Variants in IGSF10 observed in about 807,000 individuals in gnomAD.
IGSF10 encodes the protein calvaria mechanical force protein 608.
In IGSF10, 126 loss-of-function variants were observed where a neutral mutation model predicts 128.2. The ratio of observed to expected loss-of-function variants is 0.98; its 90% CI spans 0.85 to 1.14. IGSF10 has a LOEUF of 1.14. Among genes scored for constraint, IGSF10 ranks in the 50% most tolerant of loss-of-function variants. The probability of loss-of-function intolerance (pLI) is 0.00; values close to 1 mark genes in which losing one functional copy is unlikely to be tolerated. For synonymous variants in IGSF10, 1,185 were observed against 1,146.2 expected (o/e 1.03, Z -0.68); for missense variants, 3,295 against 3,149.8 (o/e 1.05, Z -1.10).
chr3:151,453,632 C>G lies in IGSF10; in HGVS notation c.467G>C (p.Arg156Pro), dbSNP rs138756085. The G allele has an allele frequency of 1.9e-6, 3 of 1,613,744 alleles. No homozygotes were observed. The highest frequency in any genetic ancestry group is 1.3e-5 in the African/African-American group (1 of 74,826). Residue 156 changes from arginine (R) to proline (P), a missense_variant, in exon 5 of 8, where the codon CGC becomes CCC. Transcript: ENST00000282466. ...CTGATTTCCTTCCAAGTGCACCAGG[C>G]GGAGAAAGTTGAGCCCATAAAAAAC... ...PEVFYGLNFLRLVHLEGNQLT... is the reference protein window; with the variant it reads ...PEVFYGLNFLPLVHLEGNQLT...
At position 151,447,038 on chromosome 3, in the gene IGSF10, C is replaced by G. The variant is rs143010277; in HGVS notation, c.2943G>C (p.Thr981=). The part of the protein sequence containing the change: ...SHTTQILSTS[T]FPSDPHTAAH... ...CAGCTGTGTGTGGATCTGAAGGGAA[C>G]GTGGAGGTGCTAAGTATTTGAGTAG... Residue 981 remains threonine, a synonymous_variant, in exon 6 of 8, where the codon ACG becomes ACC. Transcript: ENST00000282466. The G allele has an allele frequency of 6.2e-7, 1 of 1,613,650 alleles. No homozygotes were observed. Among genetic ancestry groups the G allele is most frequent in the Non-Finnish European group, 8.5e-7 (1 of 1,179,862 alleles).
the IGSF10 span, among the ~76,000 whole-genome samples, chr3:151,545,879 G>T: frequency 6.6e-6 from 1 of 152,152 alleles, no homozygotes; most frequent in Non-Finnish European, 1.5e-5. Flanking sequence ...GGGTGCTGAA[G>T]GGTAACTGGT....
chr3:151,457,309 AT>A (rs770935650), intron 3 of IGSF10, among the ~76,000 whole-genome samples, 154 bp from the exon 4 acceptor site: 12 of 152,338 alleles, frequency 7.9e-5, no homozygotes, highest in Non-Finnish European at 1.5e-4. Flanking sequence ...AATTCACCAG[AT>A]GCCACAGAAG....
At chr3:151,535,110 G>A in the IGSF10 span, among the ~76,000 whole-genome samples, 1,893 of 151,976 alleles carry the variant, frequency 0.012, 40 homozygotes, top group African/African-American at 0.043. Flanking sequence ...AACTAAATGA[G>A]AAAATGTAAC....
At chr3:151,450,301 A>G (rs1721450530) in intron 5 of IGSF10, among the ~76,000 whole-genome samples, 1 of 152,192 alleles carries the variant, frequency 6.6e-6, no homozygotes, top group African/African-American at 2.4e-5. Context: ...ATGCTGTTCC[A>G]TATAGTAGCT....
chr3:151,441,256 G>T (rs1408340128), intron 7 of IGSF10, among the ~76,000 whole-genome samples: 3 of 152,162 alleles, frequency 2.0e-5, no homozygotes, highest in East Asian at 3.9e-4. Context: ...TAATATTTTT[G>T]AGAGAGATAA....
chr3:151,458,305 C>T (rs1188234689), intron 3 of IGSF10, among the ~76,000 whole-genome samples: 2 of 152,114 alleles, frequency 1.3e-5, no homozygotes, highest in African/African-American at 2.4e-5. Flanking sequence ...AGAGGGACTT[C>T]AAATTCTAGA....
chr3:151,456,990 C>T lies in IGSF10; in HGVS notation c.324+36G>A, dbSNP rs766278793. 3.1e-6 allele frequency: 5 copies of T among 1,612,424 alleles called. No homozygotes were observed. The South Asian group carries it at 4.4e-5, about 14-fold the overall frequency. ...GGTCTATCTCACAGGTCCCACCTTACCTCTTTAACCTGCCCCCTCTCTCCA... is the reference window on the plus strand; with the variant it reads ...GGTCTATCTCACAGGTCCCACCTTATCTCTTTAACCTGCCCCCTCTCTCCA... On this transcript the variant is annotated intron_variant, in intron 4 of 7. Coordinates refer to ENST00000282466, the MANE Select transcript of IGSF10 (RefSeq NM_178822.5).
chr3:151,498,367 T>A, the IGSF10 span, among the ~76,000 whole-genome samples: 81 of 151,796 alleles, frequency 5.3e-4, no homozygotes, highest in African/African-American at 1.9e-3. Context: ...TTATTGAGAG[T>A]TTTTTAGACC....
the IGSF10 span, among the ~76,000 whole-genome samples, chr3:151,532,629 G>T: frequency 1.3e-5 from 2 of 151,996 alleles, no homozygotes; most frequent in Non-Finnish European, 2.9e-5. Flanking sequence ...ACTCAACAGC[G>T]CTTCATGCTA....
chr3:151,517,987 A>T, the IGSF10 span, among the ~76,000 whole-genome samples: 1 of 151,984 alleles, frequency 6.6e-6, no homozygotes, highest in African/African-American at 2.4e-5. Context: ...TTTCAAGACA[A>T]ATAAATACAT....
intron 4 of IGSF10, among the ~76,000 whole-genome samples, chr3:151,456,320 C>CTTATTG (rs1325296611): frequency 6.6e-6 from 1 of 152,154 alleles, no homozygotes; most frequent in Non-Finnish European, 1.5e-5. Flanking sequence ...TATTTTATGG[C>CTTATTG]ACTGTATTTT....
the IGSF10 span, among the ~76,000 whole-genome samples, chr3:151,545,732 C>G: frequency 3.9e-5 from 6 of 152,234 alleles, no homozygotes; most frequent in Non-Finnish European, 7.4e-5. Context: ...CTGTCATCTC[C>G]TCACCTTTCT....
the IGSF10 span, among the ~76,000 whole-genome samples, chr3:151,556,969 TG>T: frequency 1.3e-5 from 2 of 152,154 alleles, no homozygotes; most frequent in Non-Finnish European, 2.9e-5. Flanking sequence ...TTTCGGTTTG[TG>T]AGGAAAATGT....
chr3:151,466,120 G>A, the IGSF10 span, among the ~76,000 whole-genome samples: 4 of 152,084 alleles, frequency 2.6e-5, no homozygotes, highest in Non-Finnish European at 4.4e-5. Context: ...TTCATGAATC[G>A]TTTTTTTCCT....
intron 3 of IGSF10, among the ~76,000 whole-genome samples, chr3:151,457,669 T>C (rs1049813984): frequency 6.6e-6 from 1 of 152,130 alleles, no homozygotes; most frequent in African/African-American, 2.4e-5. Flanking sequence ...TGTGCCTCAG[T>C]TTCCTCATCT....
the IGSF10 span, among the ~76,000 whole-genome samples, chr3:151,617,392 ATCT>A: frequency 1.1e-5 from 1 of 89,908 alleles, no homozygotes; most frequent in African/African-American, 4.4e-5. Context: ...CTCTTTCTTC[ATCT>A]TCTTTTTTTT....
the IGSF10 span, among the ~76,000 whole-genome samples, chr3:151,584,257 T>C: frequency 6.6e-6 from 1 of 152,216 alleles, no homozygotes; most frequent in Non-Finnish European, 1.5e-5. Context: ...CTGACATCAG[T>C]ATATCAAAAC....
the IGSF10 span, among the ~76,000 whole-genome samples, chr3:151,501,598 G>C: frequency 2.6e-5 from 4 of 152,128 alleles, no homozygotes; most frequent in South Asian, 2.1e-4. Flanking sequence ...ATATCTGCAG[G>C]CTCCTTAGTT....
Sources: allele counts gnomAD v4.1 joint callset (sites outside exome capture counted in the v4.1 genomes callset), GRCh38; gene constraint gnomAD v4.1.1; transcripts MANE v1.5; gene names NCBI Gene and HGNC (gene_info 2026-07-23, HGNC 2026-07-21).